MPRIP: variants seen among roughly 807,000 people sequenced by gnomAD.
The protein encoded by MPRIP is myosin phosphatase Rho interacting protein.
A neutral mutation model predicts 234.9 loss-of-function variants in MPRIP; 59 were observed. That is an observed-to-expected ratio of 0.25 (90% CI 0.20 to 0.31). The LOEUF (loss-of-function observed/expected upper bound fraction) is 0.31. Ranked by LOEUF, MPRIP falls within the 10% of genes least tolerant of loss-of-function variation. The pLI is 1.00. For synonymous variants in MPRIP, 1,144 were observed against 1,263.9 expected, an observed-to-expected ratio of 0.91 and a Z score of 2.01; for missense variants, 2,436 against 3,071.0, an observed-to-expected ratio of 0.79 and a Z score of 4.89.
rs1567764364 is a variant in MPRIP at position 17,164,098 on chromosome 17, G to GT, written c.2518-4dup. The stretch of plus-strand genomic sequence containing the variant: ...AGTGTTACTAACCAGTATTTAATCG[G>GT]TTTTTTTAAGACTGAAGTGGCCGCC... On this transcript the variant is annotated splice_polypyrimidine_tract_variant and intron_variant, in intron 15 of 23. Transcript: ENST00000651222. 5 of 1,303,642 alleles carry GT rather than the reference G, an allele frequency of 3.8e-6. No individual in the cohort carries two copies. The highest frequency in any genetic ancestry group is 5.5e-5 in the East Asian group (1 of 18,048). 80.8% of individuals were successfully genotyped at this position (1,303,642 alleles called of 1,614,324 possible). A position where few individuals can be genotyped will look rare whatever the true frequency, so the allele number is the denominator to read the frequency against.
intron 1 of MPRIP, among the ~76,000 whole-genome samples, chr17:17,045,055 A>T (rs967176422): frequency 1.3e-5 from 2 of 152,022 alleles, no homozygotes; most frequent in Non-Finnish European, 2.9e-5. Flanking sequence ...TCTCATCCTT[A>T]TGGCTCCATT....
At chr17:17,131,830 A>G in intron 5 of MPRIP, 129 bp downstream of exon 5, 3 of 784,448 alleles carry the variant, frequency 3.8e-6, no homozygotes, top group East Asian at 2.6e-5. Context: ...AACTCTGCAC[A>G]TCCTTGCTTT....
intron 1 of MPRIP, among the ~76,000 whole-genome samples, chr17:17,045,626 G>T (rs539677952): frequency 4.7e-4 from 71 of 152,292 alleles, no homozygotes; most frequent in African/African-American, 1.7e-3. Flanking sequence ...GGTGCCTTGA[G>T]AATGCTGGCT....
chr17:17,187,275 T>C lies in MPRIP; in HGVS notation c.*2381T>C, dbSNP rs992276142. 2.0e-5 allele frequency: 3 copies of C among 151,822 alleles called. No individual in the cohort carries two copies. The highest frequency in any genetic ancestry group is 7.3e-5 in the African/African-American group (3 of 41,232). The allele number at this position is 151,822 out of a possible 1,614,324, so 9.4% of individuals were successfully genotyped here. ...CTGGAAAATTAATATGAGTGCAGCA[T>C]GTGAGGGGTCAGAGACAGGCCAGCA... On this transcript the variant is annotated 3_prime_UTR_variant, in exon 24 of 24. Coordinates refer to ENST00000651222, the MANE Select transcript of MPRIP (RefSeq NM_001364716.4).
intron 3 of MPRIP, among the ~76,000 whole-genome samples, chr17:17,100,151 A>G (rs4985727): frequency 0.082 from 12,542 of 152,152 alleles, 728 homozygotes; most frequent in East Asian, 0.16. Context: ...CAGATTTAGA[A>G]TTGACTTGGA....
intron 3 of MPRIP, among the ~76,000 whole-genome samples, chr17:17,102,937 G>A (rs919678951): frequency 1.3e-5 from 2 of 152,254 alleles, no homozygotes; most frequent in Non-Finnish European, 2.9e-5. Flanking sequence ...TGTCCCGTTT[G>A]TAACCACTTC....
chr17:17,143,606 C>G lies in MPRIP; in HGVS notation c.1440C>G (p.Ser480=), dbSNP rs779685770. 1.6e-5 allele frequency: 25 copies of G among 1,606,350 alleles called. No homozygotes were observed. The highest frequency in any genetic ancestry group is 2.0e-5 in the Non-Finnish European group (24 of 1,176,762). ...PPAPLPDASA[S]PLSPHRRAKS... is the part of the protein sequence containing the mutation. ...CTCCTCTCCCAGACGCCTCGGCTTC[C>G]CCCCTGTCTCCACACCGAAGAGCCA... is the stretch of plus-strand genomic sequence containing the variant. Residue 480 remains serine, a synonymous_variant, in exon 9 of 24, where the codon TCC becomes TCG. Coordinates refer to ENST00000651222, the MANE Select transcript of MPRIP (RefSeq NM_001364716.4).
At chr17:17,044,545 A>G (rs1475280037) in intron 1 of MPRIP, among the ~76,000 whole-genome samples, 3 of 152,188 alleles carry the variant, frequency 2.0e-5, no homozygotes, top group African/African-American at 7.2e-5. Flanking sequence ...TTCTCTTACA[A>G]TTTAACAAAC....
chr17:17,098,188 A>G (rs1567713109), intron 3 of MPRIP, among the ~76,000 whole-genome samples: 1 of 152,178 alleles, frequency 6.6e-6, no homozygotes, highest in Non-Finnish European at 1.5e-5. Context: ...GGCAGCAGGA[A>G]GAAAGGTAAA....
chr17:17,063,622 A>G (rs924535387), intron 1 of MPRIP, among the ~76,000 whole-genome samples: 3 of 152,112 alleles, frequency 2.0e-5, no homozygotes, highest in Admixed American at 2.0e-4. Flanking sequence ...ATTGCGCAAT[A>G]TGTCTGACTA....
At chr17:17,095,439 C>T (rs958324291) in intron 3 of MPRIP, among the ~76,000 whole-genome samples, 1 of 152,170 alleles carries the variant, frequency 6.6e-6, no homozygotes, top group African/African-American at 2.4e-5. Flanking sequence ...GTCTCCATTA[C>T]ATGGAGAATG....
At chr17:17,180,986 G>A (rs186190305) in intron 23 of MPRIP, among the ~76,000 whole-genome samples, 9 of 152,310 alleles carry the variant, frequency 5.9e-5, no homozygotes, top group Admixed American at 2.0e-4. Flanking sequence ...CCTCTGTCAC[G>A]AGGTGGAATT....
chr17:17,046,724 CA>C (rs35625101), intron 1 of MPRIP, among the ~76,000 whole-genome samples: 41 of 152,146 alleles, frequency 2.7e-4, no homozygotes, highest in Non-Finnish European at 5.1e-4. Context: ...CAGGGGTCTG[CA>C]AACTTTTTTG....
chr17:17,143,694 G>A lies in MPRIP; in HGVS notation c.1503+25G>A, dbSNP rs1014963212. 23 of 1,497,978 alleles carry A rather than the reference G, an allele frequency of 1.5e-5. No individual in the cohort carries two copies. The Middle Eastern group carries it at 6.9e-4, about 45-fold the overall frequency. 92.8% of individuals were successfully genotyped at this position (1,497,978 alleles called of 1,614,324 possible). ...GGTGAGCCCAGGCGCCGCGTCCTCCGGAGGCCGTGCTCCTCTGCTTCTGGT... is the reference window on the plus strand; with the variant it reads ...GGTGAGCCCAGGCGCCGCGTCCTCCAGAGGCCGTGCTCCTCTGCTTCTGGT... On this transcript the variant is annotated intron_variant, in intron 9 of 23. Transcript: ENST00000651222.
Position 17,166,024 on chromosome 17 carries a change from G to A in MPRIP, c.4433G>A (p.Cys1478Tyr), listed in dbSNP as rs945589432. ...FQVKNSQALMCLENCREQLRS... is the reference protein window; with the variant it reads ...FQVKNSQALMYLENCREQLRS... ...GTCAAGAATAGTCAGGCCCTGATGT[G>A]CCTGGAAAATTGCCGAGAACAACTG... is the stretch of plus-strand genomic sequence containing the variant. The change falls in exon 16 of 24, where the codon TGC becomes TAC. Residue 1478 changes from cysteine (C) to tyrosine (Y), a missense_variant. Cys to Tyr is a radical substitution (Grantham distance 194). Around this residue, in one of 4 missense-constraint regions of MPRIP, gnomAD observed 1,998 missense variants for 2,520.3 expected, o/e 0.79. Coordinates refer to ENST00000651222, the MANE Select transcript of MPRIP (RefSeq NM_001364716.4). The surrounding 1 kb of genome is among the most constrained non-coding windows in gnomAD (Gnocchi z 4.4). 1 of 1,304,140 alleles carries A rather than the reference G, an allele frequency of 7.7e-7. No homozygotes were observed. The highest frequency in any genetic ancestry group is 1.2e-5 in the South Asian group (1 of 80,978). 80.8% of individuals were successfully genotyped at this position (1,304,140 alleles called of 1,614,324 possible). A position where few individuals can be genotyped will look rare whatever the true frequency, so the allele number is the denominator to read the frequency against.
chr17:17,095,672 G>C (rs568297468), intron 3 of MPRIP, among the ~76,000 whole-genome samples: 1 of 152,010 alleles, frequency 6.6e-6, no homozygotes. Flanking sequence ...GGCCCTCCTA[G>C]GGCAACCCTC....
chr17:17,135,317 G>A (rs1003089830), intron 5 of MPRIP, among the ~76,000 whole-genome samples: 9 of 152,188 alleles, frequency 5.9e-5, no homozygotes, highest in Admixed American at 5.9e-4. Context: ...TGGAGAGATT[G>A]GGGATTGACA....
chr17:17,079,930 C>A (rs1281385329), intron 3 of MPRIP, among the ~76,000 whole-genome samples: 1 of 152,216 alleles, frequency 6.6e-6, no homozygotes, highest in Non-Finnish European at 1.5e-5. Flanking sequence ...GCACTGTGGT[C>A]TCCCAGCAAC....
intron 3 of MPRIP, among the ~76,000 whole-genome samples, chr17:17,122,359 T>C (rs1380784662): frequency 6.6e-6 from 1 of 152,188 alleles, no homozygotes; most frequent in Non-Finnish European, 1.5e-5. Flanking sequence ...TTGTTTTGTT[T>C]TGTTTTGTTT....
Sources: allele counts gnomAD v4.1 joint callset (sites outside exome capture counted in the v4.1 genomes callset), GRCh38; gene constraint gnomAD v4.1.1; regional missense constraint gnomAD v4.1.1; non-coding constraint Gnocchi (gnomAD v3.1); transcripts MANE v1.5; gene names NCBI Gene and HGNC (gene_info 2026-07-23, HGNC 2026-07-21).